RALGPS1: variants seen among roughly 807,000 people sequenced by gnomAD.
The protein encoded by RALGPS1 is Ral GEF with PH domain and SH3 binding motif 1.
A neutral mutation model predicts 78.8 loss-of-function variants in RALGPS1; 19 were observed. The observed-to-expected ratio is 0.24, with a 90% CI of 0.17 to 0.35. The LOEUF (loss-of-function observed/expected upper bound fraction) is 0.35, where lower values mean the gene tolerates loss of function less well. Among genes scored for constraint, RALGPS1 ranks in the 10% least tolerant of loss-of-function variants. RALGPS1 has a pLI of 1.00. For synonymous variants in RALGPS1, 228 were observed against 256.3 expected (o/e 0.89, Z 1.06); for missense variants, 454 against 688.3 (o/e 0.66, Z 3.81).
chr9:127,184,011 C>G, intron 11 of RALGPS1: 1 of 1,549,810 alleles, frequency 6.5e-7, no homozygotes, highest in Non-Finnish European at 8.7e-7. Flanking sequence ...CCGCGCTCCC[C>G]GTGGCCTAGG....
rs979596822 is a variant in RALGPS1, at chr9:127,082,438, C to CTGT, written c.610+13084_610+13085insTTG. On this transcript the variant is annotated intron_variant, in intron 8 of 18. Transcript: ENST00000259351. ...CATCTAGGGACCTTCTGGTATCAAG[C>CTGT]TGCTGCTGCTGCATAGGCAGGCTGG... Among the ~76,000 whole-genome samples, 261 of 152,186 alleles carry CTGT rather than the reference C, an allele frequency of 1.7e-3. No individual in the cohort carries two copies. The Middle Eastern group carries it at 0.024, about 14-fold the overall frequency.
chr9:126,994,582 T>C (rs988296117), intron 4 of RALGPS1, among the ~76,000 whole-genome samples: 1 of 152,118 alleles, frequency 6.6e-6, no homozygotes, highest in Non-Finnish European at 1.5e-5. Context: ...ACGGGGAGAA[T>C]GGAACCAAGT....
chr9:127,156,846 G>T (rs1250269302), intron 8 of RALGPS1, among the ~76,000 whole-genome samples: 1 of 151,826 alleles, frequency 6.6e-6, no homozygotes, highest in Non-Finnish European at 1.5e-5. Context: ...TTTTATTCAA[G>T]TACTCGTATT....
intron 6 of RALGPS1, among the ~76,000 whole-genome samples, chr9:127,051,987 C>G (rs1290077067): frequency 6.6e-6 from 1 of 152,256 alleles, no homozygotes; most frequent in East Asian, 1.9e-4. Flanking sequence ...GTACTGAGCT[C>G]CTGCCCTGGG....
intron 10 of RALGPS1, among the ~76,000 whole-genome samples, chr9:127,172,431 G>A (rs72766204): frequency 0.018 from 2,766 of 152,302 alleles, 38 homozygotes; most frequent in Middle Eastern, 0.031. Flanking sequence ...TTCTGTACCA[G>A]ATTTCCCCAG....
At chr9:127,094,730 G>A (rs2052907712) in intron 8 of RALGPS1, among the ~76,000 whole-genome samples, 1 of 152,204 alleles carries the variant, frequency 6.6e-6, no homozygotes, top group Non-Finnish European at 1.5e-5. Context: ...CCTCCTTGCA[G>A]GCTCATAAAC....
intron 1 of RALGPS1, among the ~76,000 whole-genome samples, chr9:126,928,808 G>A (rs1174476322): frequency 2.0e-5 from 3 of 151,954 alleles, no homozygotes; most frequent in Admixed American, 6.6e-5. Context: ...CACTGTGTTC[G>A]CCAGGCTGAT....
intron 12 of RALGPS1, among the ~76,000 whole-genome samples, chr9:127,195,419 C>T (rs1588492629): frequency 6.6e-6 from 1 of 152,182 alleles, no homozygotes; most frequent in Non-Finnish European, 1.5e-5. Flanking sequence ...ACTGTGGCAG[C>T]ACTGACTCCA....
Position 127,221,186 on chromosome 9 carries a change from T to G in RALGPS1, c.*2417T>G, listed in dbSNP as rs550646481. 3.0e-4 allele frequency: 45 copies of G among 152,332 alleles called. No homozygotes were observed. Among genetic ancestry groups the G allele is most frequent in the African/African-American group, 9.9e-4 (41 of 41,572 alleles). 9.4% of individuals were successfully genotyped at this position (152,332 alleles called of 1,614,324 possible). Reference sequence around the variant, plus strand: ...TTAAGTGCTGCTTGTCTTCCCAGTGTTGGTTTGAACCCTGTGAGCCTGAGA... The same window carrying G: ...TTAAGTGCTGCTTGTCTTCCCAGTGGTGGTTTGAACCCTGTGAGCCTGAGA... On this transcript the variant is annotated 3_prime_UTR_variant, in exon 19 of 19. Transcript: ENST00000259351.
intron 1 of RALGPS1, among the ~76,000 whole-genome samples, chr9:126,938,531 G>A (rs529497622): frequency 6.6e-6 from 1 of 152,322 alleles, no homozygotes; most frequent in South Asian, 2.1e-4. Flanking sequence ...AAGGCATGGA[G>A]GAATGTGCTC....
intron 8 of RALGPS1, among the ~76,000 whole-genome samples, chr9:127,150,581 C>T (rs2058360692): frequency 6.6e-6 from 1 of 152,220 alleles, no homozygotes; most frequent in Non-Finnish European, 1.5e-5. Context: ...AGTATAAGCT[C>T]CTGCTTCCTG....
intron 1 of RALGPS1, among the ~76,000 whole-genome samples, 159 bp from the exon 2 acceptor site, chr9:126,962,066 G>C (rs533252197): frequency 1.3e-5 from 2 of 152,274 alleles, no homozygotes; most frequent in South Asian, 2.1e-4. Flanking sequence ...CCATCAAACT[G>C]TATCTGTGGG....
At chr9:127,136,318 G>A (rs779878469) in intron 8 of RALGPS1, among the ~76,000 whole-genome samples, 5 of 152,224 alleles carry the variant, frequency 3.3e-5, no homozygotes, top group Non-Finnish European at 5.9e-5. Context: ...GGGAGGGGGA[G>A]GCCTGTGGCA....
At chr9:126,919,719 T>C (rs965764579) in intron 1 of RALGPS1, among the ~76,000 whole-genome samples, 2 of 152,146 alleles carry the variant, frequency 1.3e-5, no homozygotes, top group Admixed American at 6.5e-5. Flanking sequence ...TAATCTGAAA[T>C]AGATTCTATT....
At chr9:127,217,242 A>C (rs1379332152) in intron 18 of RALGPS1, 2 of 1,209,184 alleles carry the variant, frequency 1.7e-6, no homozygotes, top group Non-Finnish European at 2.1e-6. Context: ...GGAGGAGGGG[A>C]TTTTTCTTCC....
chr9:126,977,704 A>G lies in RALGPS1; in HGVS notation c.175A>G (p.Thr59Ala). 1 of 1,596,944 alleles carries G rather than the reference A, an allele frequency of 6.3e-7. No homozygotes were observed. The highest frequency in any genetic ancestry group is 8.5e-7 in the Non-Finnish European group (1 of 1,170,466). ...VTPEEFASQI[T>A]LMDIPVFKAI... ...TTCTCTTTTGTTGCAGAGCCAGATT[A>G]CATTAATGGATATACCTGTGTTTAA... The change falls in exon 4 of 19, where the codon ACA (threonine) becomes GCA (alanine). Residue 59 changes from threonine (T) to alanine (A), a missense_variant. Thr to Ala is a moderately conservative substitution (Grantham distance 58, BLOSUM62 0). Coordinates refer to ENST00000259351, the MANE Select transcript of RALGPS1 (RefSeq NM_014636.3).
At chr9:127,030,468 G>A (rs200658206) in intron 4 of RALGPS1, among the ~76,000 whole-genome samples, 1 of 152,046 alleles carries the variant, frequency 6.6e-6, no homozygotes, top group African/African-American at 2.4e-5. Flanking sequence ...AAGAGCGGCC[G>A]GTGAAGGGGC....
intron 11 of RALGPS1, chr9:127,184,268 C>G (rs978082228): frequency 4.3e-6 from 2 of 467,162 alleles, no homozygotes; most frequent in Admixed American, 3.4e-5. Flanking sequence ...TACAGTGAGC[C>G]GTGATCGCGC....
chr9:127,019,021 C>CT (rs938476864), intron 4 of RALGPS1, among the ~76,000 whole-genome samples: 14 of 151,976 alleles, frequency 9.2e-5, no homozygotes, highest in African/African-American at 3.4e-4. Context: ...TTTCTTTTTC[C>CT]TTTTTTAAAA....
Sources: gnomAD v4.1 joint callset for allele counts (sites outside exome capture counted in the v4.1 genomes callset) on GRCh38, gnomAD v4.1.1 for gene constraint, MANE v1.5 for transcripts, NCBI Gene and HGNC (gene_info 2026-07-23, HGNC 2026-07-21) for gene names.